The following GTF2IRD1 variants were observed in gnomAD, a reference collection of about 807,000 sequenced individuals.
GTF2IRD1 encodes the protein general transcription factor II-I repeat domain-containing protein 1.
Under a neutral mutation model 113.2 loss-of-function variants are expected in GTF2IRD1, and 26 were observed. That is an observed-to-expected ratio of 0.23 (90% CI 0.17 to 0.32). The LOEUF is 0.32. GTF2IRD1 is among the 10% of genes least tolerant of loss of function. The probability of loss-of-function intolerance (pLI) is 1.00; values close to 1 mark genes in which losing one functional copy is unlikely to be tolerated. For synonymous variants in GTF2IRD1, 484 were observed against 529.1 expected, an observed-to-expected ratio of 0.91 and a Z score of 1.17; for missense variants, 864 against 1,280.8, an observed-to-expected ratio of 0.67 and a Z score of 4.97.
chr7:74,591,807 A>G (rs1189466801), intron 24 of GTF2IRD1, among the ~76,000 whole-genome samples: 25 of 152,162 alleles, frequency 1.6e-4, no homozygotes, highest in Admixed American at 1.3e-3. Flanking sequence ...TGCAGCCTCA[A>G]CAGGGTCTCA....
intron 1 of GTF2IRD1, among the ~76,000 whole-genome samples, chr7:74,495,111 C>G (rs1480744921): frequency 8.5e-5 from 13 of 152,186 alleles, no homozygotes; most frequent in African/African-American, 2.9e-4. Flanking sequence ...AGAAGAGGGC[C>G]CTGGGGCCCC....
intron 1 of GTF2IRD1, among the ~76,000 whole-genome samples, chr7:74,496,366 G>A (rs541083139): frequency 5.7e-4 from 86 of 150,334 alleles, no homozygotes; most frequent in African/African-American, 2.1e-3. Context: ...GGGTGCATGT[G>A]TGTGTGCATA....
At position 74,494,301 on chromosome 7, in the gene GTF2IRD1, T is replaced by G. The variant is rs148955497; in HGVS notation, c.-6-13774T>G. Among the ~76,000 whole-genome samples the G allele has an allele frequency of 2.1e-3, 327 of 152,288 alleles. 1 individual carries two copies. The highest frequency in any genetic ancestry group is 7.5e-3 in the African/African-American group (311 of 41,578). On this transcript the variant is annotated intron_variant, in intron 1 of 26. Transcript: ENST00000424337. ...AAGTTAGCAGGGCTTGAGGTCATTTTGAAGATGTTTCACTTGCTGGCCCGG... is the reference window on the plus strand; with the variant it reads ...AAGTTAGCAGGGCTTGAGGTCATTTGGAAGATGTTTCACTTGCTGGCCCGG...
At chr7:74,525,660 G>A (rs1347597530) in intron 8 of GTF2IRD1, among the ~76,000 whole-genome samples, 1 of 152,124 alleles carries the variant, frequency 6.6e-6, no homozygotes, top group East Asian at 1.9e-4. Context: ...GGGAGGCTGA[G>A]GCAGAAGAAT....
intron 1 of GTF2IRD1, among the ~76,000 whole-genome samples, chr7:74,485,836 G>T (rs951001619): frequency 6.6e-6 from 1 of 152,056 alleles, no homozygotes; most frequent in African/African-American, 2.4e-5. Context: ...TGAGGCAGGA[G>T]AATTGCTTGA....
intron 24 of GTF2IRD1, among the ~76,000 whole-genome samples, chr7:74,592,625 C>T (rs1554370159): frequency 6.6e-6 from 1 of 152,026 alleles, no homozygotes; most frequent in Non-Finnish European, 1.5e-5. Context: ...ACCTCCACCT[C>T]CCAGATTCAA....
At chr7:74,480,123 C>G (rs973421801) in intron 1 of GTF2IRD1, among the ~76,000 whole-genome samples, 5 of 152,058 alleles carry the variant, frequency 3.3e-5, no homozygotes, top group African/African-American at 1.2e-4. Flanking sequence ...TCACTCAGCT[C>G]AAATCCTTGC....
chr7:74,490,743 T>C (rs1225028626), intron 1 of GTF2IRD1, among the ~76,000 whole-genome samples: 2 of 151,692 alleles, frequency 1.3e-5, no homozygotes, highest in Non-Finnish European at 2.9e-5. Context: ...AGCTGGTCCA[T>C]AGGGCAGTGA....
intron 22 of GTF2IRD1, among the ~76,000 whole-genome samples, chr7:74,573,041 T>C (rs1554363114): frequency 6.6e-6 from 1 of 152,006 alleles, no homozygotes; most frequent in Non-Finnish European, 1.5e-5. Flanking sequence ...GCTGGGGTCA[T>C]TGCAACACCA....
At chr7:74,581,607 TGCCCACA>T (rs1801424092) in intron 22 of GTF2IRD1, among the ~76,000 whole-genome samples, 1 of 152,216 alleles carries the variant, frequency 6.6e-6, no homozygotes, top group Admixed American at 6.5e-5. Context: ...AGGCCACCAC[TGCCCACA>T]GCAGTCCTTG....
rs200381677 is a variant in GTF2IRD1, at chr7:74,555,232, C to T, written c.1966+9C>T. On this transcript the variant is annotated intron_variant, in intron 18 of 26. Transcript: ENST00000424337. The surrounding 1 kb of genome is among the most constrained non-coding windows in gnomAD (Gnocchi z 5.3). The stretch of plus-strand genomic sequence containing the variant: ...CATCATGGATAGTCAAGGTACCCAG[C>T]GCGGGGTCGGGAGCCATGGTGTGGG... 2.3e-4 allele frequency: 375 copies of T among 1,612,544 alleles called. 1 individual carries two copies. In the African/African-American group the frequency reaches 3.7e-3, roughly 16 times the overall value.
intron 24 of GTF2IRD1, among the ~76,000 whole-genome samples, chr7:74,594,108 A>G (rs59711878): frequency 0.14 from 20,827 of 151,840 alleles, 1,524 homozygotes; most frequent in Middle Eastern, 0.22. Context: ...CTGAGGCAGG[A>G]CAATCGCTTG....
In GTF2IRD1 at chr7:74,544,183, TTTTG is replaced by T. The variant is rs782058303; in HGVS notation, c.1619-552_1619-549del. Among the ~76,000 whole-genome samples, 740 of 152,276 alleles carry T rather than the reference TTTTG, an allele frequency of 4.9e-3. 4 individuals carry two copies. The highest frequency in any genetic ancestry group is 0.017 in the Middle Eastern group (5 of 294). On this transcript the variant is annotated intron_variant, in intron 14 of 26. Coordinates refer to ENST00000424337, the MANE Select transcript of GTF2IRD1 (RefSeq NM_005685.4). The stretch of plus-strand genomic sequence containing the variant: ...CCCTTGTATTCTCACCTGGAAGTTT[TTTTG>T]TTTGTTTGTTTGTTTGTTTTTGAGA...
At chr7:74,538,861 TTCTC>T (rs1554350959) in intron 13 of GTF2IRD1, 101 bp downstream of exon 13, 5 of 694,714 alleles carry the variant, frequency 7.2e-6, no homozygotes, top group Non-Finnish European at 1.3e-5. Flanking sequence ...AGGCCGCTGT[TTCTC>T]TCTGTGGATT....
chr7:74,502,023 C>T (rs1034475925), intron 1 of GTF2IRD1, among the ~76,000 whole-genome samples: 1 of 152,176 alleles, frequency 6.6e-6, no homozygotes, highest in Non-Finnish European at 1.5e-5. Flanking sequence ...TCATAGCTCA[C>T]TACAGCCTCA....
intron 8 of GTF2IRD1, among the ~76,000 whole-genome samples, chr7:74,528,212 C>G (rs2130412362): frequency 6.6e-6 from 1 of 152,232 alleles, no homozygotes; most frequent in South Asian, 2.1e-4. Flanking sequence ...AGGCAGAAAA[C>G]AAAACCCCTA....
chr7:74,496,062 A>G (rs1403701283), intron 1 of GTF2IRD1, among the ~76,000 whole-genome samples: 2 of 150,568 alleles, frequency 1.3e-5, no homozygotes, highest in African/African-American at 4.9e-5. Context: ...ATGTGTCTGT[A>G]TGTGTGGACA....
chr7:74,469,738 C>T (rs1364099767), intron 1 of GTF2IRD1, among the ~76,000 whole-genome samples: 1 of 152,066 alleles, frequency 6.6e-6, no homozygotes, highest in Non-Finnish European at 1.5e-5. Flanking sequence ...GGGTCTTGCT[C>T]TGTCACCCAG....
intron 22 of GTF2IRD1, among the ~76,000 whole-genome samples, chr7:74,571,693 C>A (rs1007437170): frequency 1.3e-5 from 2 of 152,092 alleles, no homozygotes; most frequent in African/African-American, 2.4e-5. Context: ...GAGATCCTGT[C>A]TCGACAAAAA....
Sources: allele counts gnomAD v4.1 joint callset (sites outside exome capture counted in the v4.1 genomes callset), GRCh38; gene constraint gnomAD v4.1.1; non-coding constraint Gnocchi (gnomAD v3.1); transcripts MANE v1.5; gene names NCBI Gene and HGNC (gene_info 2026-07-23, HGNC 2026-07-21).